Variants in PDE8B observed in about 807,000 individuals in gnomAD.
PDE8B encodes phosphodiesterase 8B, also known as high affinity cAMP-specific and IBMX-insensitive 3',5'-cyclic phosphodiesterase 8B.
In PDE8B, 26 loss-of-function variants were observed where a neutral mutation model predicts 101.3. That is an observed-to-expected ratio of 0.26 (90% CI 0.19 to 0.36). The LOEUF (loss-of-function observed/expected upper bound fraction) is 0.36, where lower values mean the gene tolerates loss of function less well. Among genes scored for constraint, PDE8B ranks in the 10% least tolerant of loss-of-function variants. PDE8B has a pLI of 1.00. For synonymous variants in PDE8B, 424 were observed against 429.3 expected (o/e 0.99, Z 0.15); for missense variants, 810 against 1,163.1 (o/e 0.70, Z 4.42).
the PDE8B span, among the ~76,000 whole-genome samples, chr5:77,121,509 CT>C: frequency 0.11 from 16,096 of 140,964 alleles, 789 homozygotes; most frequent in East Asian, 0.16. Flanking sequence ...ATTAGGCTTC[CT>C]TTTTTTTTTT....
intron 1 of PDE8B, among the ~76,000 whole-genome samples, chr5:77,240,248 G>T (rs1256947286): frequency 6.6e-6 from 1 of 152,142 alleles, no homozygotes; most frequent in Non-Finnish European, 1.5e-5. Context: ...CCGCCTCCCG[G>T]GTTCACGCCA....
At chr5:77,226,305 T>G (rs572275681) in intron 1 of PDE8B, among the ~76,000 whole-genome samples, 3 of 152,256 alleles carry the variant, frequency 2.0e-5, no homozygotes, top group Non-Finnish European at 4.4e-5. Flanking sequence ...TACCATTGTT[T>G]AAAATACACA....
the PDE8B span, chr5:77,147,652 G>A: frequency 1.3e-5 from 2 of 152,102 alleles, no homozygotes; most frequent in Non-Finnish European, 2.9e-5. Context: ...ATCTTTCCAG[G>A]AGATTCTCTC....
the PDE8B span, among the ~76,000 whole-genome samples, chr5:77,184,511 A>G: frequency 6.6e-6 from 1 of 152,202 alleles, no homozygotes; most frequent in African/African-American, 2.4e-5. Flanking sequence ...AACTGTCCAT[A>G]TTTGACCATT....
intron 2 of PDE8B, among the ~76,000 whole-genome samples, 153 bp downstream of exon 2, chr5:77,312,206 C>T (rs1392989829): frequency 1.3e-5 from 2 of 148,148 alleles, no homozygotes; most frequent in Non-Finnish European, 3.0e-5. Context: ...TGGGTTCAAG[C>T]GATTCTCCCA....
intron 1 of PDE8B, among the ~76,000 whole-genome samples, 176 bp from the exon 2 acceptor site, chr5:77,311,818 A>G (rs1459801903): frequency 6.6e-6 from 1 of 152,180 alleles, no homozygotes; most frequent in African/African-American, 2.4e-5. Flanking sequence ...TTTTAATACA[A>G]AAACAGGACT....
chr5:77,329,669 C>G (rs528547219), intron 4 of PDE8B, among the ~76,000 whole-genome samples: 2 of 152,280 alleles, frequency 1.3e-5, no homozygotes, highest in South Asian at 2.1e-4. Flanking sequence ...AATAAAAGAG[C>G]CAGCAGGAAG....
At chr5:77,318,070 A>AAAAAAAAC (rs1561518739) in intron 2 of PDE8B, among the ~76,000 whole-genome samples, 1 of 151,048 alleles carries the variant, frequency 6.6e-6, no homozygotes, top group African/African-American at 2.4e-5. Flanking sequence ...AAAAAAAAAA[A>AAAAAAAAC]AAAAAAACAC....
intron 1 of PDE8B, among the ~76,000 whole-genome samples, chr5:77,287,207 C>T (rs1766189414): frequency 6.6e-6 from 1 of 151,866 alleles, no homozygotes; most frequent in Non-Finnish European, 1.5e-5. Flanking sequence ...AACAAATTCT[C>T]TGTTTTTGTT....
At chr5:77,275,030 A>G (rs1763567072) in intron 1 of PDE8B, among the ~76,000 whole-genome samples, 1 of 152,074 alleles carries the variant, frequency 6.6e-6, no homozygotes, top group Admixed American at 6.5e-5. Context: ...TGTAAAAACC[A>G]AGCATAATAT....
rs558244729 is a variant in PDE8B, at chr5:77,419,649, T to C, written c.2130-118T>C. The C allele has an allele frequency of 1.0e-5, 12 of 1,199,488 alleles. No individual in the cohort carries two copies. In the South Asian group the frequency reaches 1.2e-4, roughly 12 times the overall value. 74.3% of individuals were successfully genotyped at this position (1,199,488 alleles called of 1,614,324 possible). On this transcript the variant is annotated intron_variant, in intron 18 of 21. Coordinates refer to ENST00000264917, the MANE Select transcript of PDE8B (RefSeq NM_003719.5). ...GCTCTTCTTGTGATCTGCACACATTTCTTAACTCTGTGCCCCAGCTTCCTC... is the reference window on the plus strand; with the variant it reads ...GCTCTTCTTGTGATCTGCACACATTCCTTAACTCTGTGCCCCAGCTTCCTC...
rs955829996 is a variant in PDE8B, at chr5:77,270,093, A to G, written c.340-41901A>G. 2.6e-5 allele frequency among the ~76,000 whole-genome samples: 4 copies of G among 152,200 alleles called. 1 individual carries two copies. The South Asian group carries it at 8.3e-4, about 31-fold the overall frequency. ...GGACGTCTTAACAGTATTAATTCTT[A>G]TAATCCATGGACATGGAATATCTTT... On this transcript the variant is annotated intron_variant, in intron 1 of 21. Coordinates refer to ENST00000264917, the MANE Select transcript of PDE8B (RefSeq NM_003719.5).
chr5:77,418,213 C>T lies in PDE8B; in HGVS notation c.1912-16C>T, dbSNP rs766546290. On this transcript the variant is annotated splice_polypyrimidine_tract_variant and intron_variant, in intron 17 of 21. Coordinates refer to ENST00000264917, the MANE Select transcript of PDE8B (RefSeq NM_003719.5). Reference sequence around the variant, plus strand: ...ATCCAGTGGGTAATGCTCAACCTTGCCTCCCCATATCCCAGGGAAGCCTCG... The same window carrying T: ...ATCCAGTGGGTAATGCTCAACCTTGTCTCCCCATATCCCAGGGAAGCCTCG... 5 of 1,547,784 alleles carry T rather than the reference C, an allele frequency of 3.2e-6. No individual in the cohort carries two copies. The highest frequency in any genetic ancestry group is 4.5e-6 in the Non-Finnish European group (5 of 1,119,582).
intron 6 of PDE8B, among the ~76,000 whole-genome samples, chr5:77,341,946 C>T (rs554915835): frequency 1.2e-4 from 19 of 152,262 alleles, no homozygotes; most frequent in South Asian, 1.2e-3. Flanking sequence ...TTAATATTCT[C>T]CTCTGCTCTT....
chr5:77,338,101 G>T (rs562466179), intron 6 of PDE8B, among the ~76,000 whole-genome samples: 1 of 152,210 alleles, frequency 6.6e-6, no homozygotes, highest in Non-Finnish European at 1.5e-5. Context: ...GGAGCTTCAG[G>T]CTGTGTGATG....
intron 1 of PDE8B, among the ~76,000 whole-genome samples, chr5:77,236,289 G>A (rs762079411): frequency 1.3e-5 from 2 of 152,192 alleles, no homozygotes; most frequent in Non-Finnish European, 2.9e-5. Context: ...AGACACAAAT[G>A]TGGGAGTCAT....
chr5:77,183,986 A>G, the PDE8B span, among the ~76,000 whole-genome samples: 3 of 152,004 alleles, frequency 2.0e-5, no homozygotes, highest in Non-Finnish European at 2.9e-5. Context: ...TTTTTAAAAA[A>G]AAACAGAATC....
At chr5:77,312,400 G>A (rs1383265232) in intron 2 of PDE8B, among the ~76,000 whole-genome samples, 1 of 152,118 alleles carries the variant, frequency 6.6e-6, no homozygotes, top group East Asian at 1.9e-4. Context: ...CACTGTGCCC[G>A]GCCTGGCTCA....
chr5:77,342,004 A>T (rs745722360), intron 6 of PDE8B, among the ~76,000 whole-genome samples: 2 of 152,202 alleles, frequency 1.3e-5, no homozygotes, highest in Non-Finnish European at 2.9e-5. Context: ...TCACACTGAT[A>T]TCTTCATTTC....
Sources: gnomAD v4.1 joint callset for allele counts (sites outside exome capture counted in the v4.1 genomes callset) on GRCh38, gnomAD v4.1.1 for gene constraint, MANE v1.5 for transcripts, NCBI Gene and HGNC (gene_info 2026-07-23, HGNC 2026-07-21) for gene names.